Variants in OLAH observed in about 807,000 individuals in gnomAD.
OLAH encodes S-acyl fatty acid synthase thioesterase, medium chain.
Under a neutral mutation model 27.8 loss-of-function variants are expected in OLAH, and 33 were observed. That is an observed-to-expected ratio of 1.19 (90% CI 0.90 to 1.59). The LOEUF is 1.59. Among genes scored for constraint, OLAH ranks in the 40% most tolerant of loss-of-function variants. The probability of loss-of-function intolerance (pLI) is 0.00; values close to 1 mark genes in which losing one functional copy is unlikely to be tolerated. For synonymous variants in OLAH, 120 were observed against 102.9 expected (o/e 1.17, Z -1.01); for missense variants, 359 against 310.8 (o/e 1.16, Z -1.17).
rs1844631853 is a variant in OLAH at position 15,073,394 on chromosome 10, T to C, written c.*165T>C. ...TATCTGGGGACAAAGGTCAAGCCAG[T>C]AAAGAATACTTCTGGCAGCACTTTG... On this transcript the variant is annotated 3_prime_UTR_variant, in exon 8 of 8. Transcript: ENST00000378228. 7.1e-6 allele frequency: 4 copies of C among 566,286 alleles called. No individual in the cohort carries two copies. The South Asian group carries it at 9.3e-5, about 13-fold the overall frequency. 35.1% of individuals were successfully genotyped at this position (566,286 alleles called of 1,614,324 possible).
chr10:15,060,868 T>C (rs775318579), intron 3 of OLAH, among the ~76,000 whole-genome samples: 2 of 152,194 alleles, frequency 1.3e-5, no homozygotes, highest in Non-Finnish European at 2.9e-5. Context: ...CTGGATTTTG[T>C]TGTATTCCTG....
intron 6 of OLAH, 45 bp from the exon 7 acceptor site, chr10:15,071,750 A>T: frequency 6.5e-7 from 1 of 1,527,518 alleles, no homozygotes; most frequent in Non-Finnish European, 9.0e-7. Context: ...AGATTCTGGG[A>T]TGTTGATTTC....
intron 1 of OLAH, among the ~76,000 whole-genome samples, chr10:15,045,386 G>A (rs1325450401): frequency 1.3e-5 from 2 of 152,076 alleles, no homozygotes; most frequent in Non-Finnish European, 2.9e-5. Context: ...TCCCAGCTCT[G>A]ACTGCCTATT....
Position 15,064,476 on chromosome 10 carries a change from T to C in OLAH, c.376T>C (p.Phe126Leu). 1 of 1,593,644 alleles carries C rather than the reference T, an allele frequency of 6.3e-7. No individual in the cohort carries two copies. The highest frequency in any genetic ancestry group is 8.5e-7 in the Non-Finnish European group (1 of 1,172,556). ...CAATCAACCAGAACCATTGCATTTA[T>C]TTTTGTCAAGTGCAACTCCTGTACA... Reference protein sequence around the residue: ...ENNQPEPLHLFLSSATPVHSK... With the variant: ...ENNQPEPLHLLLSSATPVHSK... Residue 126 changes from phenylalanine to leucine, a missense_variant, in exon 5 of 8, where the codon TTT (phenylalanine) becomes CTT (leucine). Coordinates refer to ENST00000378228, the MANE Select transcript of OLAH (RefSeq NM_001039702.3).
At chr10:15,062,125 A>C (rs1055863938) in intron 4 of OLAH, 1 of 332,214 alleles carries the variant, frequency 3.0e-6, no homozygotes, top group African/African-American at 2.1e-5. Flanking sequence ...TTTTGAAATA[A>C]GAAATTATGC....
Position 15,061,822 on chromosome 10 carries a change from C to G in OLAH, c.262C>G (p.Pro88Ala). The G allele has an allele frequency of 6.2e-7, 1 of 1,613,972 alleles. No homozygotes were observed. The highest frequency in any genetic ancestry group is 1.3e-5 in the African/African-American group (1 of 75,032). The change falls in exon 4 of 8, where the codon CCA (proline) becomes GCA (alanine). Residue 88 changes from proline (P) to alanine (A), a missense_variant. By Grantham distance (27) the Pro-to-Ala change is conservative (BLOSUM62 -1). Coordinates refer to ENST00000378228, the MANE Select transcript of OLAH (RefSeq NM_001039702.3). ...TGATGAAGTTGTTTGTGCTCTGCAG[C>G]CAGTCATCCAGGATAAACCATTTGC... ...LVDEVVCALQ[P>A]VIQDKPFAFF... is the part of the protein sequence containing the mutation.
chr10:15,047,362 G>A (rs1280273845), intron 2 of OLAH, 42 bp downstream of exon 2: 1 of 1,599,996 alleles, frequency 6.3e-7, no homozygotes. Flanking sequence ...CTCCATCCCA[G>A]GGGCTCCGAT....
At chr10:15,063,164 T>C (rs189597439) in intron 4 of OLAH, among the ~76,000 whole-genome samples, 50 of 152,334 alleles carry the variant, frequency 3.3e-4, no homozygotes, top group African/African-American at 1.2e-3. Flanking sequence ...TCTTGCTCTG[T>C]CACCCAGGCT....
intron 3 of OLAH, among the ~76,000 whole-genome samples, chr10:15,051,649 C>A (rs1844145587): frequency 6.6e-6 from 1 of 151,914 alleles, no homozygotes; most frequent in South Asian, 2.1e-4. Flanking sequence ...TCCTTCTCCT[C>A]TAAAAAAACG....
intron 1 of OLAH, among the ~76,000 whole-genome samples, chr10:15,035,720 G>T (rs1333558133): frequency 1.3e-5 from 2 of 152,124 alleles, no homozygotes; most frequent in African/African-American, 4.8e-5. Context: ...TCTTCTCGGG[G>T]CTCTGCATTG....
chr10:15,054,279 G>T (rs562775201), intron 3 of OLAH, among the ~76,000 whole-genome samples: 20 of 152,224 alleles, frequency 1.3e-4, no homozygotes, highest in African/African-American at 4.8e-4. Context: ...GATCTCAAGT[G>T]ATCCACCCGC....
intron 6 of OLAH, among the ~76,000 whole-genome samples, chr10:15,066,491 A>G (rs1844469257): frequency 6.6e-6 from 1 of 152,042 alleles, no homozygotes; most frequent in African/African-American, 2.4e-5. Flanking sequence ...AGTTCTATGA[A>G]TATCTCTCCA....
intron 1 of OLAH, among the ~76,000 whole-genome samples, chr10:15,036,806 C>T (rs577096263): frequency 3.9e-5 from 6 of 152,156 alleles, no homozygotes; most frequent in Non-Finnish European, 7.4e-5. Context: ...GTAGGCCAGA[C>T]GCAGTGGCTC....
intron 3 of OLAH, among the ~76,000 whole-genome samples, chr10:15,050,164 T>C (rs919108347): frequency 6.6e-5 from 10 of 152,250 alleles, no homozygotes; most frequent in Non-Finnish European, 1.5e-4. Flanking sequence ...ACGCTTGTAA[T>C]ACCAGCACTT....
intron 3 of OLAH, among the ~76,000 whole-genome samples, chr10:15,050,343 C>T (rs1365783147): frequency 5.9e-5 from 9 of 152,102 alleles, no homozygotes; most frequent in Non-Finnish European, 1.3e-4. Flanking sequence ...TCTCGGCTCA[C>T]TGCAATCTCC....
chr10:15,057,282 T>G (rs1314407601), intron 3 of OLAH, among the ~76,000 whole-genome samples: 1 of 152,160 alleles, frequency 6.6e-6, no homozygotes, highest in Non-Finnish European at 1.5e-5. Flanking sequence ...ACCACATGAA[T>G]AGCCAGTTGG....
chr10:15,048,646 C>A (rs1844069206), intron 2 of OLAH, among the ~76,000 whole-genome samples: 1 of 152,026 alleles, frequency 6.6e-6, no homozygotes, highest in Non-Finnish European at 1.5e-5. Context: ...ATTGAAGCTG[C>A]CCATGAACGG....
chr10:15,054,650 T>G (rs11511685), intron 3 of OLAH, among the ~76,000 whole-genome samples: 65,827 of 151,992 alleles, frequency 0.43, 14,454 homozygotes, highest in East Asian at 0.6. Flanking sequence ...GACTACTACT[T>G]TGTTTTGTAA....
At chr10:15,072,234 C>T (rs1301658037) in intron 7 of OLAH, among the ~76,000 whole-genome samples, 4 of 151,776 alleles carry the variant, frequency 2.6e-5, no homozygotes, top group African/African-American at 9.7e-5. Context: ...GCCTGGCCAG[C>T]TTTTAAAATT....
Sources: allele counts gnomAD v4.1 joint callset (sites outside exome capture counted in the v4.1 genomes callset), GRCh38; gene constraint gnomAD v4.1.1; transcripts MANE v1.5; gene names NCBI Gene and HGNC (gene_info 2026-07-23, HGNC 2026-07-21).